The following ZER1 variants were observed in gnomAD, a reference collection of about 807,000 sequenced individuals.
The protein encoded by ZER1 is protein zer-1 homolog.
A neutral mutation model predicts 78.8 loss-of-function variants in ZER1; 11 were observed. The observed-to-expected ratio is 0.14, with a 90% CI of 0.09 to 0.23. The LOEUF (loss-of-function observed/expected upper bound fraction) is 0.23. ZER1 is among the 10% of genes least tolerant of loss of function. The pLI is 1.00. For missense variants in ZER1, 588 were observed against 996.9 expected, an observed-to-expected ratio of 0.59 and a Z score of 5.52; for synonymous variants, 400 against 407.0, an observed-to-expected ratio of 0.98 and a Z score of 0.21.
chr9:128,731,506 G>T, intron 15 of ZER1, 112 bp from the exon 16 acceptor site: 1 of 853,842 alleles, frequency 1.2e-6, no homozygotes, highest in Non-Finnish European at 1.9e-6. Context: ...TGATGGTGAT[G>T]CTGACCGAAT....
intron 13 of ZER1, among the ~76,000 whole-genome samples, chr9:128,736,800 T>C (rs1863100240): frequency 6.6e-6 from 1 of 150,542 alleles, no homozygotes; most frequent in Admixed American, 6.6e-5. Context: ...CTCAGCCTCC[T>C]GAGGAGCTGG....
chr9:128,761,526 A>G (rs534211888), intron 1 of ZER1, among the ~76,000 whole-genome samples: 1 of 21,324 alleles, frequency 4.7e-5, no homozygotes, highest in Non-Finnish European at 9.4e-5. Context: ...AGCTCAGGTG[A>G]TCCACCCGCC....
upstream of ZER1, chr9:128,772,332 C>G (rs543739174): frequency 6.6e-6 from 1 of 152,152 alleles, no homozygotes; most frequent in Non-Finnish European, 1.5e-5. Flanking sequence ...CATCACCGTC[C>G]CCCAAAAGGT....
chr9:128,752,327 C>CTTT (rs144410732), intron 5 of ZER1, among the ~76,000 whole-genome samples: 263 of 143,392 alleles, frequency 1.8e-3, no homozygotes, highest in Non-Finnish European at 3.1e-3. Context: ...CAAATACTTT[C>CTTT]TTTTTTTTTT....
At chr9:128,742,874 G>A (rs1863351468) in intron 8 of ZER1, 129 bp from the exon 9 acceptor site, 1 of 861,662 alleles carries the variant, frequency 1.2e-6, no homozygotes, top group South Asian at 1.8e-5. Context: ...GGAAGAGGAG[G>A]CTATACAAGT....
At chr9:128,742,911 T>C (rs1287663298) in intron 8 of ZER1, among the ~76,000 whole-genome samples, 166 bp from the exon 9 acceptor site, 1 of 152,192 alleles carries the variant, frequency 6.6e-6, no homozygotes, top group Admixed American at 6.5e-5. Flanking sequence ...TTTTTAAAAA[T>C]GTGAAATATT....
At position 128,753,986 on chromosome 9, in the gene ZER1, G is replaced by A. The variant is rs772203179; in HGVS notation, c.159-27C>T. ...TGGGAGAGAAAAAAGCCTGGCTCAG[G>A]AGAGGGCCACAGGGACTCTCATCCT... On this transcript the variant is annotated intron_variant, in intron 2 of 15. Coordinates refer to ENST00000291900, the MANE Select transcript of ZER1 (RefSeq NM_006336.4). This position sits in a 1 kb window ranked among gnomAD's most constrained non-coding sequence, Gnocchi z 7.5. 5 of 1,569,104 alleles carry A rather than the reference G, an allele frequency of 3.2e-6. No homozygotes were observed. The highest frequency in any genetic ancestry group is 4.3e-6 in the Non-Finnish European group (5 of 1,157,352).
At chr9:128,734,144 A>AAAAAAAAAAAAAATAT in intron 14 of ZER1, among the ~76,000 whole-genome samples, 1 of 14,456 alleles carries the variant, frequency 6.9e-5, no homozygotes, top group African/African-American at 1.9e-4. Flanking sequence ...AAAAAAAAAA[A>AAAAAAAAAAAAAATAT]ATATATATAT....
intron 8 of ZER1, among the ~76,000 whole-genome samples, chr9:128,747,023 A>G (rs1863515379): frequency 6.6e-6 from 1 of 152,018 alleles, no homozygotes. Context: ...ACATGGTGAA[A>G]TCTTGTCTCT....
At chr9:128,734,144 A>AATATATATAT (rs1220785593) in intron 14 of ZER1, among the ~76,000 whole-genome samples, 259 of 14,404 alleles carry the variant, frequency 0.018, 19 homozygotes, top group African/African-American at 0.048. Context: ...AAAAAAAAAA[A>AATATATATAT]ATATATATAT....
intron 13 of ZER1, among the ~76,000 whole-genome samples, chr9:128,737,280 C>T (rs1369861992): frequency 1.3e-5 from 2 of 152,080 alleles, no homozygotes; most frequent in African/African-American, 4.8e-5. Context: ...CCACCGCATC[C>T]GGCCTGTGAC....
At chr9:128,758,308 G>A (rs1863928411) in intron 1 of ZER1, among the ~76,000 whole-genome samples, 1 of 151,842 alleles carries the variant, frequency 6.6e-6, no homozygotes, top group Non-Finnish European at 1.5e-5. Flanking sequence ...TTTTCTTTTA[G>A]TAGAGACAGG....
At chr9:128,756,378 G>A (rs751782717) in intron 1 of ZER1, among the ~76,000 whole-genome samples, 6 of 152,214 alleles carry the variant, frequency 3.9e-5, no homozygotes, top group South Asian at 2.1e-4. Context: ...GCGGTGAGCC[G>A]ACACCCTGCC....
chr9:128,734,175 A>T lies in ZER1; in HGVS notation c.2141-647T>A, dbSNP rs1281122676. ...TATATATATATATAAAATCTTAAAAAAAATATATATATATATATAATAGAT... is the reference window on the plus strand; with the variant it reads ...TATATATATATATAAAATCTTAAAATAAATATATATATATATATAATAGAT... On this transcript the variant is annotated intron_variant, in intron 14 of 15. Transcript: ENST00000291900. Among the ~76,000 whole-genome samples the T allele has an allele frequency of 1.1e-3, 82 of 73,624 alleles. 7 individuals are homozygous for T. Among genetic ancestry groups the T allele is most frequent in the Non-Finnish European group, 2.1e-3 (67 of 32,348 alleles). The allele number at this position is 73,624 out of a possible 152,430, so 48.3% of individuals were successfully genotyped here.
rs372057778 is a variant in ZER1, at chr9:128,741,565, G to T, written c.1707C>A (p.Asn569Lys). 2 of 1,614,202 alleles carry T rather than the reference G, an allele frequency of 1.2e-6. No individual in the cohort carries two copies. Among genetic ancestry groups the T allele is most frequent in the African/African-American group, 1.3e-5 (1 of 75,054 alleles). ...PDNCEMFLNF[N>K]GMKLFLDCLK... ...GGCAGTCCAGGAAGAGCTTCATGCCGTTGAAATTGAGGAACATCTCGCAGT... is the reference window on the plus strand; with the variant it reads ...GGCAGTCCAGGAAGAGCTTCATGCCTTTGAAATTGAGGAACATCTCGCAGT... The change falls in exon 11 of 16, where the codon AAC (asparagine) becomes AAA (lysine). Residue 569 changes from asparagine to lysine, a missense_variant. By Grantham distance (94) the Asn-to-Lys change is moderately conservative. This residue lies in a region of ZER1 where 60 missense variants were observed against 163.3 expected (regional missense o/e 0.37). Transcript: ENST00000291900.
At chr9:128,745,055 C>T (rs1041467588) in intron 8 of ZER1, among the ~76,000 whole-genome samples, 2 of 152,162 alleles carry the variant, frequency 1.3e-5, no homozygotes, top group Admixed American at 6.6e-5. Flanking sequence ...ATGTCTTCAA[C>T]CTTTTTAGGT....
At chr9:128,768,281 G>A (rs997223210) in intron 1 of ZER1, among the ~76,000 whole-genome samples, 1 of 152,152 alleles carries the variant, frequency 6.6e-6, no homozygotes, top group Admixed American at 6.6e-5. Context: ...AGAGTGCCAA[G>A]AGCAGTCTTC....
intron 11 of ZER1, 126 bp downstream of exon 11, chr9:128,741,409 C>T: frequency 1.4e-6 from 2 of 1,420,914 alleles, no homozygotes; most frequent in Non-Finnish European, 1.9e-6. Context: ...TGAGTCTGTC[C>T]CCACTGCCCT....
intron 8 of ZER1, among the ~76,000 whole-genome samples, chr9:128,743,822 C>T (rs1418061044): frequency 6.7e-6 from 1 of 150,076 alleles, no homozygotes; most frequent in East Asian, 2.0e-4. Flanking sequence ...CCTCCCCCTC[C>T]CGGGCTCAAG....
Sources: gnomAD v4.1 joint callset for allele counts (sites outside exome capture counted in the v4.1 genomes callset) on GRCh38, gnomAD v4.1.1 for gene constraint, gnomAD v4.1.1 regional missense constraint, Gnocchi (gnomAD v3.1) non-coding constraint, MANE v1.5 for transcripts, NCBI Gene and HGNC (gene_info 2026-07-23, HGNC 2026-07-21) for gene names.